Variants in TTC3 observed in about 807,000 individuals in gnomAD.
The protein encoded by TTC3 is tetratricopeptide repeat domain 3.
TTC3 carries 180 observed loss-of-function variants against 249.6 expected under a neutral mutation model. That is an observed-to-expected ratio of 0.72 (90% CI 0.64 to 0.82). The LOEUF is 0.82. TTC3 is among the 40% of genes least tolerant of loss of function. The pLI is 0.00. For missense variants in TTC3, 2,061 were observed against 2,398.4 expected (o/e 0.86, Z 2.94); for synonymous variants, 717 against 805.0 (o/e 0.89, Z 1.85).
chr21:37,169,258 G>A (rs2081517594), intron 34 of TTC3, among the ~76,000 whole-genome samples: 1 of 152,130 alleles, frequency 6.6e-6, no homozygotes, highest in African/African-American at 2.4e-5. Flanking sequence ...GGGTATGGAA[G>A]AGAAACTAAG....
At chr21:37,113,554 G>A (rs2075862805) in intron 11 of TTC3, among the ~76,000 whole-genome samples, 1 of 152,116 alleles carries the variant, frequency 6.6e-6, no homozygotes, top group Non-Finnish European at 1.5e-5. Flanking sequence ...ACAAATGGAA[G>A]AACATTCCAT....
chr21:37,088,096 C>A, intron 3 of TTC3, 100 bp from the exon 4 acceptor site: 1 of 1,104,920 alleles, frequency 9.1e-7, no homozygotes, highest in Non-Finnish European at 1.3e-6. Flanking sequence ...TCATTCATTT[C>A]TTCCCTCTCC....
At chr21:37,152,485 C>G (rs533093324) in intron 26 of TTC3, among the ~76,000 whole-genome samples, 1 of 149,896 alleles carries the variant, frequency 6.7e-6, no homozygotes, top group South Asian at 2.2e-4. Context: ...CTCCCGGGTT[C>G]ACGCCATTCT....
chr21:37,139,895 C>G (rs1435059722), intron 19 of TTC3, among the ~76,000 whole-genome samples: 2 of 152,170 alleles, frequency 1.3e-5, no homozygotes. Context: ...TTTTAGAATG[C>G]CTCCTTTGGA....
At chr21:37,151,606 T>A (rs1388414284) in intron 25 of TTC3, among the ~76,000 whole-genome samples, 1 of 152,192 alleles carries the variant, frequency 6.6e-6, no homozygotes, top group Non-Finnish European at 1.5e-5. Context: ...CAGAGTAATT[T>A]GTACTATTTC....
intron 35 of TTC3, among the ~76,000 whole-genome samples, chr21:37,174,320 G>C (rs1182926722): frequency 6.6e-6 from 1 of 152,186 alleles, no homozygotes; most frequent in African/African-American, 2.4e-5. Context: ...AAGCCCCCCA[G>C]ATCACAGGCC....
chr21:37,112,956 A>G (rs1266372923), intron 11 of TTC3, among the ~76,000 whole-genome samples: 2 of 152,242 alleles, frequency 1.3e-5, no homozygotes, highest in African/African-American at 2.4e-5. Context: ...GATTATCTCA[A>G]TAGATGCAGA....
In TTC3 at chr21:37,195,587, C is replaced by T. The variant is rs2084795764; in HGVS notation, c.5218-88C>T. ...TGCACGGAGCCTCTGCGCTGCGTTA[C>T]TGTATTTATTCATCGGCCTTTGTCC... On this transcript the variant is annotated intron_variant, in intron 41 of 45. Coordinates refer to ENST00000355666, the Ensembl canonical transcript of TTC3. The T allele has an allele frequency of 4.0e-6, 6 of 1,503,600 alleles. No homozygotes were observed. The Admixed American group carries it at 9.0e-5, about 23-fold the overall frequency. 93.1% of individuals were successfully genotyped at this position (1,503,600 alleles called of 1,614,324 possible).
exon 26 of TTC3, chr21:37,151,981 G>A: frequency 3.1e-6 from 5 of 1,605,006 alleles, no homozygotes; most frequent in Non-Finnish European, 4.2e-6. Context: ...AGAAAGAATG[G>A]AGGAGGACTT....
intron 10 of TTC3, among the ~76,000 whole-genome samples, chr21:37,104,914 G>T (rs573712971): frequency 6.6e-6 from 1 of 152,340 alleles, no homozygotes; most frequent in South Asian, 2.1e-4. Flanking sequence ...TGCAGTCACG[G>T]TTGAGACCCA....
At chr21:37,108,346 T>C in intron 10 of TTC3, 46 bp from the exon 11 acceptor site, 1 of 1,521,008 alleles carries the variant, frequency 6.6e-7, no homozygotes, top group East Asian at 2.3e-5. Flanking sequence ...ATAATACTTT[T>C]ACTATAAAAG....
chr21:37,182,294 G>A (rs776183478), intron 35 of TTC3, among the ~76,000 whole-genome samples: 37 of 152,192 alleles, frequency 2.4e-4, no homozygotes, highest in Non-Finnish European at 4.9e-4. Flanking sequence ...CAGGGGAACG[G>A]TAACTAGCAT....
intron 20 of TTC3, among the ~76,000 whole-genome samples, chr21:37,140,979 A>G (rs2078391219): frequency 6.6e-6 from 1 of 152,214 alleles, no homozygotes; most frequent in South Asian, 2.1e-4. Context: ...ATATAAACTA[A>G]TGTTTTTAAA....
chr21:37,144,866 C>T (rs1215249663), intron 21 of TTC3, among the ~76,000 whole-genome samples: 2 of 152,134 alleles, frequency 1.3e-5, no homozygotes, highest in Non-Finnish European at 1.5e-5. Context: ...ATAGCAGCCC[C>T]GTGCAGGGGG....
intron 35 of TTC3, among the ~76,000 whole-genome samples, chr21:37,175,136 T>C (rs1207101251): frequency 6.8e-6 from 1 of 146,642 alleles, no homozygotes; most frequent in Non-Finnish European, 1.5e-5. Context: ...TGGTGGTGGG[T>C]GTCTGTAGTC....
intron 35 of TTC3, among the ~76,000 whole-genome samples, chr21:37,174,188 A>T (rs1188186794): frequency 6.6e-6 from 1 of 152,130 alleles, no homozygotes; most frequent in Admixed American, 6.5e-5. Flanking sequence ...AGTCCAGAAG[A>T]GTCTCGGAAA....
At chr21:37,121,827 G>A (rs1165884000) in exon 12 of TTC3, 16 of 1,590,434 alleles carry the variant, frequency 1.0e-5, no homozygotes, top group South Asian at 2.3e-5. Context: ...GGTCATTATC[G>A]TTATTGTGAT....
At chr21:37,185,465 TACCTGTAAGC>T (rs1378013686) in intron 36 of TTC3, among the ~76,000 whole-genome samples, 2 of 152,166 alleles carry the variant, frequency 1.3e-5, no homozygotes, top group Non-Finnish European at 2.9e-5. Context: ...TAGGGTGATT[TACCTGTAAGC>T]ATATGACTTA....
At chr21:37,130,903 G>T (rs1285610683) in intron 16 of TTC3, among the ~76,000 whole-genome samples, 2 of 152,148 alleles carry the variant, frequency 1.3e-5, no homozygotes, top group African/African-American at 4.8e-5. Context: ...TGTAAATAAT[G>T]TATAGAAGTT....
Sources: gnomAD v4.1 joint callset for allele counts (sites outside exome capture counted in the v4.1 genomes callset) on GRCh38, gnomAD v4.1.1 for gene constraint, MANE v1.5 for transcripts, NCBI Gene and HGNC (gene_info 2026-07-23, HGNC 2026-07-21) for gene names.